The following EXD3 variants were observed in gnomAD, a reference collection of about 807,000 sequenced individuals.
EXD3 encodes exonuclease 3'-5' domain containing 3.
EXD3 carries 92 observed loss-of-function variants against 98.0 expected under a neutral mutation model. The ratio of observed to expected loss-of-function variants is 0.94; its 90% CI spans 0.79 to 1.12. EXD3 has a LOEUF of 1.12. Among genes scored for constraint, EXD3 ranks in the 50% most tolerant of loss-of-function variants. The pLI is 0.00. For synonymous variants in EXD3, 569 were observed against 526.0 expected, an observed-to-expected ratio of 1.08 and a Z score of -1.12; for missense variants, 1,222 against 1,191.6, an observed-to-expected ratio of 1.03 and a Z score of -0.38.
intron 17 of EXD3, among the ~76,000 whole-genome samples, chr9:137,333,452 C>T (rs995163571): frequency 6.6e-6 from 1 of 152,144 alleles, no homozygotes; most frequent in South Asian, 2.1e-4. Flanking sequence ...CACTATACTA[C>T]AAGGCTCTGT....
intron 17 of EXD3, among the ~76,000 whole-genome samples, chr9:137,337,772 G>C (rs1392753322): frequency 6.6e-6 from 1 of 151,866 alleles, no homozygotes; most frequent in Middle Eastern, 3.4e-3. Flanking sequence ...GACTGGAAGG[G>C]AATACCATGT....
At chr9:137,308,582 C>T (rs886065422) in intron 20 of EXD3, among the ~76,000 whole-genome samples, 3 of 151,912 alleles carry the variant, frequency 2.0e-5, no homozygotes, top group African/African-American at 7.3e-5. Flanking sequence ...CTCTGCTGGC[C>T]ACCCTGGGTG....
In EXD3 at chr9:137,368,598, G is replaced by A. The variant is rs528566620; in HGVS notation, c.463-609C>T. 9.8e-5 allele frequency among the ~76,000 whole-genome samples: 15 copies of A among 152,306 alleles called. No homozygotes were observed. The East Asian group carries it at 2.5e-3, about 26-fold the overall frequency. On this transcript the variant is annotated intron_variant, in intron 5 of 21. Transcript: ENST00000340951. ...CTGCTATTAATAATTTCCATAAGCC[G>A]CGCTCCCATAGCCAGCAAAAATGAC...
rs139584169 is a variant in EXD3, at chr9:137,420,177, A to C, written c.-48+2937T>G. On this transcript the variant is annotated intron_variant, in intron 1 of 21. Transcript: ENST00000340951. ...TCCGCCTAAAAAAAAAACAAAAAAAACCCCAGCAAATTACATAGAACTGAA... is the reference window on the plus strand; with the variant it reads ...TCCGCCTAAAAAAAAAACAAAAAAACCCCCAGCAAATTACATAGAACTGAA... Among the ~76,000 whole-genome samples the C allele has an allele frequency of 4.6e-3, 704 of 152,030 alleles. 6 individuals are homozygous for C. The highest frequency in any genetic ancestry group is 0.012 in the African/African-American group (518 of 41,468).
At chr9:137,413,787 C>CCAACATGCCCCAAAGA (rs1216210687) in intron 1 of EXD3, among the ~76,000 whole-genome samples, 15 of 152,102 alleles carry the variant, frequency 9.9e-5, no homozygotes, top group Non-Finnish European at 7.4e-5. Context: ...CCAAAGACAA[C>CCAACATGCCCCAAAGA]CAACCATGTG....
intron 10 of EXD3, chr9:137,353,893 G>A (rs1834450403): frequency 6.0e-6 from 6 of 992,890 alleles, no homozygotes; most frequent in Non-Finnish European, 6.0e-6. Context: ...GGGTTCCCAC[G>A]TGGACGACAA....
At chr9:137,359,206 T>C (rs1482292843) in intron 7 of EXD3, among the ~76,000 whole-genome samples, 1 of 83,080 alleles carries the variant, frequency 1.2e-5, no homozygotes, top group Admixed American at 1.4e-4. Context: ...CCTGACCTCA[T>C]GATCTGCCTG....
chr9:137,345,406 A>C lies in EXD3; in HGVS notation c.1998+2665T>G, dbSNP rs113635115. On this transcript the variant is annotated intron_variant, in intron 17 of 21. Coordinates refer to ENST00000340951, the MANE Select transcript of EXD3 (RefSeq NM_017820.5). Reference sequence around the variant, plus strand: ...GCCGGGTGTGGTGGCTCACGCCTGTAATCTCAGCACTTCGGGAGGCCGAGG... The same window carrying C: ...GCCGGGTGTGGTGGCTCACGCCTGTCATCTCAGCACTTCGGGAGGCCGAGG... Among the ~76,000 whole-genome samples, 605 of 152,328 alleles carry C rather than the reference A, an allele frequency of 4.0e-3. 4 individuals carry two copies. Among genetic ancestry groups the C allele is most frequent in the African/African-American group, 0.014 (584 of 41,576 alleles).
chr9:137,392,574 G>A (rs1353000255), intron 2 of EXD3: 3 of 236,880 alleles, frequency 1.3e-5, no homozygotes, highest in Admixed American at 1.0e-4. Flanking sequence ...CTCTTGTGGA[G>A]CTGGCCTTGT....
rs573546556 is a variant in EXD3 at position 137,371,123 on chromosome 9, C to T, written c.462+1782G>A. 1.5e-3 allele frequency among the ~76,000 whole-genome samples: 233 copies of T among 152,314 alleles called. No individual in the cohort carries two copies. Among genetic ancestry groups the T allele is most frequent in the Non-Finnish European group, 2.2e-3 (153 of 68,010 alleles). The stretch of plus-strand genomic sequence containing the variant: ...CCCCTTTGTGTGGGGATTCCTGCCT[C>T]GGAGCGCGAGGGAGGCGCATTCAGC... On this transcript the variant is annotated intron_variant, in intron 5 of 21. Transcript: ENST00000340951. The surrounding 1 kb of genome is among the most constrained non-coding windows in gnomAD (Gnocchi z 8.0).
chr9:137,342,940 T>C (rs540888626), intron 17 of EXD3, among the ~76,000 whole-genome samples: 4 of 152,166 alleles, frequency 2.6e-5, no homozygotes, highest in South Asian at 2.1e-4. Context: ...GCCAACATGG[T>C]GAAACCCCGT....
At position 137,407,051 on chromosome 9, in the gene EXD3, C is replaced by CA. The variant is rs1837748147; in HGVS notation, c.-47-11648dup. On this transcript the variant is annotated intron_variant, in intron 1 of 21. Transcript: ENST00000340951. This position sits in a 1 kb window ranked among gnomAD's most constrained non-coding sequence, Gnocchi z 4.4. ...TGGTGGAGGCCAGAACGCTCGCCAG[C>CA]AAACCCGCCCGTTCACAGAGGCACC... Among the ~76,000 whole-genome samples, 2 of 152,204 alleles carry CA rather than the reference C, an allele frequency of 1.3e-5. No homozygotes were observed. The highest frequency in any genetic ancestry group is 4.1e-4 in the South Asian group (2 of 4,836).
At chr9:137,319,766 C>T (rs1312430475) in intron 19 of EXD3, among the ~76,000 whole-genome samples, 2 of 152,202 alleles carry the variant, frequency 1.3e-5, no homozygotes, top group East Asian at 1.9e-4. Flanking sequence ...AGGCTGGCTT[C>T]AAATGTAGAC....
intron 11 of EXD3, 61 bp downstream of exon 11, chr9:137,352,559 A>G: frequency 7.0e-7 from 1 of 1,436,424 alleles, no homozygotes; most frequent in Non-Finnish European, 9.2e-7. Context: ...TGTCGTCCCA[A>G]GGGTAGGGGC....
intron 17 of EXD3, among the ~76,000 whole-genome samples, chr9:137,344,789 A>G (rs139506551): frequency 0.074 from 11,106 of 150,046 alleles, 1,228 homozygotes; most frequent in African/African-American, 0.26. Flanking sequence ...CTGTCTGGAG[A>G]TCTCCTCAGC....
Position 137,349,077 on chromosome 9 carries a change from G to T in EXD3, c.1830+33C>A. On this transcript the variant is annotated intron_variant, in intron 16 of 21. Transcript: ENST00000340951. The surrounding 1 kb of genome is among the most constrained non-coding windows in gnomAD (Gnocchi z 7.4). ...GACAGGGATCTCCTTCCCCAAGAAT[G>T]CTGACAAACGGACCCTGCGGGGCTT... 6.4e-7 allele frequency: 1 copy of T among 1,552,122 alleles called. No homozygotes were observed. Among genetic ancestry groups the T allele is most frequent in the Non-Finnish European group, 8.7e-7 (1 of 1,154,688 alleles).
At chr9:137,310,943 A>C (rs1294259323) in intron 19 of EXD3, among the ~76,000 whole-genome samples, 2 of 152,198 alleles carry the variant, frequency 1.3e-5, no homozygotes, top group Non-Finnish European at 2.9e-5. Flanking sequence ...GTTGAGCCCC[A>C]GATGACATGG....
intron 1 of EXD3, among the ~76,000 whole-genome samples, chr9:137,422,413 A>C (rs1186965946): frequency 1.3e-5 from 2 of 152,164 alleles, no homozygotes; most frequent in Non-Finnish European, 2.9e-5. Context: ...CGAGCCAAGT[A>C]ACTATCCACT....
chr9:137,354,364 T>A lies in EXD3; in HGVS notation c.845A>T (p.Gln282Leu). The part of the protein sequence containing the change: ...HKRFVEKSLS[Q>L]ENWTDHVQGL... ...CTGCACATGGTCGGTCCAGTTCTCC[T>A]GTGACAGGCTCTTCTGCAAAGGCAA... Residue 282 changes from glutamine to leucine, a missense_variant, in exon 10 of 22, where the codon CAG (glutamine) becomes CTG (leucine). Physicochemically the swap from Gln to Leu is moderately radical, Grantham distance 113 (BLOSUM62 -2). Coordinates refer to ENST00000340951, the MANE Select transcript of EXD3 (RefSeq NM_017820.5). 2 of 1,612,272 alleles carry A rather than the reference T, an allele frequency of 1.2e-6. No homozygotes were observed. Among genetic ancestry groups the A allele is most frequent in the Non-Finnish European group, 1.7e-6 (2 of 1,179,570 alleles).
Sources: allele counts gnomAD v4.1 joint callset (sites outside exome capture counted in the v4.1 genomes callset), GRCh38; gene constraint gnomAD v4.1.1; non-coding constraint Gnocchi (gnomAD v3.1); transcripts MANE v1.5; gene names NCBI Gene and HGNC (gene_info 2026-07-23, HGNC 2026-07-21).